The following PRKCB variants were observed in gnomAD, a reference collection of about 807,000 sequenced individuals.
PRKCB encodes protein kinase C beta type.
A neutral mutation model predicts 81.5 loss-of-function variants in PRKCB; 13 were observed. The ratio of observed to expected loss-of-function variants is 0.16; its 90% CI spans 0.10 to 0.25. PRKCB has a LOEUF of 0.25. Ranked by LOEUF, PRKCB falls within the 10% of genes least tolerant of loss-of-function variation. The probability of loss-of-function intolerance (pLI) is 1.00; values close to 1 mark genes in which losing one functional copy is unlikely to be tolerated. For missense variants in PRKCB, 509 were observed against 875.7 expected (o/e 0.58, Z 5.29); for synonymous variants, 335 against 321.4 (o/e 1.04, Z -0.45).
At chr16:24,001,073 A>C (rs1275345705) in intron 3 of PRKCB, among the ~76,000 whole-genome samples, 1 of 151,908 alleles carries the variant, frequency 6.6e-6, no homozygotes, top group African/African-American at 2.4e-5. Flanking sequence ...GGCACTCAAT[A>C]CCTGGTTTTA....
intron 2 of PRKCB, among the ~76,000 whole-genome samples, chr16:23,842,141 A>G (rs935794703): frequency 1.3e-5 from 2 of 152,032 alleles, no homozygotes; most frequent in Non-Finnish European, 2.9e-5. Context: ...AAATATAGAG[A>G]TTCAGAATTC....
chr16:23,875,567 GTATATCAAACACA>G lies in PRKCB; in HGVS notation c.205+38165_205+38177del, dbSNP rs202209966. 4.4e-4 allele frequency among the ~76,000 whole-genome samples: 4 copies of G among 9,076 alleles called. 1 individual carries two copies. Among genetic ancestry groups the G allele is most frequent in the Admixed American group, 2.8e-3 (2 of 704 alleles). The allele number at this position is 9,076 out of a possible 152,430, so 6.0% of individuals were successfully genotyped here. On this transcript the variant is annotated intron_variant, in intron 2 of 16. Coordinates refer to ENST00000643927, the MANE Select transcript of PRKCB (RefSeq NM_002738.7). Reference sequence around the variant, plus strand: ...ATATGTATGTATATCACACACATGTGTATATCAAACACATATGTATATCACACACATATGTATG... The same window carrying G: ...ATATGTATGTATATCACACACATGTGTATGTATATCACACACATATGTATG...
chr16:23,975,181 C>T (rs571760230), intron 2 of PRKCB, among the ~76,000 whole-genome samples: 42 of 152,292 alleles, frequency 2.8e-4, no homozygotes, highest in African/African-American at 8.4e-4. Flanking sequence ...AGTCATTCCT[C>T]GTTGCAGAAT....
chr16:24,162,908 G>C (rs551990227), intron 10 of PRKCB, among the ~76,000 whole-genome samples: 3,176 of 152,270 alleles, frequency 0.021, 95 homozygotes, highest in African/African-American at 0.072. Flanking sequence ...AAAGACAAAG[G>C]TGTACCTGGG....
At chr16:23,881,965 CCTTTCTTT>C (rs1192906884) in intron 2 of PRKCB, among the ~76,000 whole-genome samples, 2,168 of 70,098 alleles carry the variant, frequency 0.031, 104 homozygotes, top group Non-Finnish European at 0.042. Flanking sequence ...TTTTTCTTTT[CCTTTCTTT>C]CTTTCTTTCT....
Position 24,216,198 on chromosome 16 carries a change from G to T in PRKCB, c.*1382G>T, listed in dbSNP as rs1481444727. The T allele has an allele frequency of 2.0e-6, 2 of 985,336 alleles. No individual in the cohort carries two copies. The highest frequency in any genetic ancestry group is 1.1e-4 in the East Asian group (1 of 8,822). The allele number at this position is 985,336 out of a possible 1,614,324, so 61.0% of individuals were successfully genotyped here. ...AGGGGCTGCTGGTGGGCTGTAGTGG[G>T]GTGGGATGACCTGGCCAGAGCCAAC... is the stretch of plus-strand genomic sequence containing the variant. On this transcript the variant is annotated 3_prime_UTR_variant, in exon 17 of 17. Transcript: ENST00000643927.
At chr16:23,852,534 G>T (rs1452337574) in intron 2 of PRKCB, among the ~76,000 whole-genome samples, 1 of 151,984 alleles carries the variant, frequency 6.6e-6, no homozygotes, top group Non-Finnish European at 1.5e-5. Flanking sequence ...TTTTGTTGAG[G>T]ATTTTTCCAT....
chr16:24,175,833 G>A lies in PRKCB; in HGVS notation c.1394+1253G>A, dbSNP rs1000673067. ...AAAAATAAAATAAAATTAGCCAGGT[G>A]TGATGGTGCATACCTATAGACCTAG... On this transcript the variant is annotated intron_variant, in intron 12 of 16. Coordinates refer to ENST00000643927, the MANE Select transcript of PRKCB (RefSeq NM_002738.7). 1.8e-4 allele frequency among the ~76,000 whole-genome samples: 28 copies of A among 151,898 alleles called. 1 individual carries two copies. Among genetic ancestry groups the A allele is most frequent in the Non-Finnish European group, 1.5e-5 (1 of 67,992 alleles).
chr16:23,901,915 T>G (rs1439087457), intron 2 of PRKCB, among the ~76,000 whole-genome samples: 1 of 152,204 alleles, frequency 6.6e-6, no homozygotes, highest in Non-Finnish European at 1.5e-5. Context: ...ACACTGTGGC[T>G]GAGTGTGTGT....
chr16:24,058,591 C>T (rs1411437897), intron 5 of PRKCB, among the ~76,000 whole-genome samples: 1 of 151,964 alleles, frequency 6.6e-6, no homozygotes, highest in African/African-American at 2.4e-5. Flanking sequence ...CTGAATCAGA[C>T]ATTGAATGAC....
At chr16:24,025,039 G>A (rs1347485033) in intron 3 of PRKCB, among the ~76,000 whole-genome samples, 6 of 152,154 alleles carry the variant, frequency 3.9e-5, no homozygotes, top group Non-Finnish European at 5.9e-5. Context: ...TCATGAAAGC[G>A]GAGGGAGGGG....
chr16:24,216,527 A>T lies in PRKCB; in HGVS notation c.*1711A>T. ...ATTTCCAGAAGTTCCAGGGCTTCTG[A>T]GAGACCATCAAGGGAACTTTAACAA... On this transcript the variant is annotated 3_prime_UTR_variant, in exon 17 of 17. Coordinates refer to ENST00000643927, the MANE Select transcript of PRKCB (RefSeq NM_002738.7). 1.0e-6 allele frequency: 1 copy of T among 985,444 alleles called. No homozygotes were observed. Among genetic ancestry groups the T allele is most frequent in the Non-Finnish European group, 1.2e-6 (1 of 829,942 alleles). The allele number at this position is 985,444 out of a possible 1,614,324, so 61.0% of individuals were successfully genotyped here. A position where few individuals can be genotyped will look rare whatever the true frequency, so the allele number is the denominator to read the frequency against.
chr16:23,917,807 G>A (rs1175092325), intron 2 of PRKCB, among the ~76,000 whole-genome samples: 1 of 152,202 alleles, frequency 6.6e-6, no homozygotes, highest in East Asian at 1.9e-4. Flanking sequence ...ACATTAGTGG[G>A]TATCAGAGGG....
At chr16:23,918,364 T>C (rs965240892) in intron 2 of PRKCB, among the ~76,000 whole-genome samples, 7 of 151,482 alleles carry the variant, frequency 4.6e-5, no homozygotes, top group Non-Finnish European at 8.8e-5. Flanking sequence ...TAAAGACTTG[T>C]TCTTTGTGTT....
intron 2 of PRKCB, among the ~76,000 whole-genome samples, chr16:23,870,159 AC>A (rs1444750489): frequency 6.6e-6 from 1 of 152,246 alleles, no homozygotes; most frequent in East Asian, 1.9e-4. Context: ...GGTGTTCAAA[AC>A]ATACAAGCAC....
intron 5 of PRKCB, among the ~76,000 whole-genome samples, chr16:24,064,519 T>A (rs896472538): frequency 1.3e-5 from 2 of 152,212 alleles, no homozygotes; most frequent in Admixed American, 1.3e-4. Context: ...TGGGTAAATA[T>A]TCCATGTGCA....
intron 9 of PRKCB, among the ~76,000 whole-genome samples, chr16:24,151,058 C>T (rs1967073910): frequency 6.6e-6 from 1 of 152,208 alleles, no homozygotes; most frequent in Non-Finnish European, 1.5e-5. Flanking sequence ...TCAACTGCTA[C>T]TTGAGATTGT....
chr16:24,131,672 A>G (rs757887633), intron 9 of PRKCB, among the ~76,000 whole-genome samples: 2 of 152,192 alleles, frequency 1.3e-5, no homozygotes, highest in African/African-American at 2.4e-5. Flanking sequence ...GCAATAATAT[A>G]TGTGAAATCA....
chr16:24,002,343 G>A (rs1049450342), intron 3 of PRKCB, among the ~76,000 whole-genome samples: 6 of 151,526 alleles, frequency 4.0e-5, no homozygotes, highest in African/African-American at 1.2e-4. Context: ...GTGTGTGTGC[G>A]TGCGTGCGTG....
Sources: gnomAD v4.1 joint callset for allele counts (sites outside exome capture counted in the v4.1 genomes callset) on GRCh38, gnomAD v4.1.1 for gene constraint, MANE v1.5 for transcripts, NCBI Gene and HGNC (gene_info 2026-07-23, HGNC 2026-07-21) for gene names.